The following USH2A variants were observed in gnomAD, a reference collection of about 807,000 sequenced individuals.
USH2A encodes usherin, also known as Usher syndrome 2A (autosomal recessive, mild).
USH2A carries 443 observed loss-of-function variants against 538.9 expected under a neutral mutation model. That is an observed-to-expected ratio of 0.82 (90% CI 0.76 to 0.89). The LOEUF is 0.89. USH2A is among the 40% of genes least tolerant of loss of function. The pLI is 0.00. For missense variants in USH2A, 6,633 were observed against 6,324.8 expected, an observed-to-expected ratio of 1.05 and a Z score of -1.65; for synonymous variants, 2,413 against 2,273.5, an observed-to-expected ratio of 1.06 and a Z score of -1.75.
chr1:216,205,356 C>G (rs757811348), intron 16 of USH2A, among the ~76,000 whole-genome samples: 4 of 152,196 alleles, frequency 2.6e-5, no homozygotes, highest in Admixed American at 6.5e-5. Context: ...ACTTTGCCAA[C>G]ATGGCAGATG....
intron 35 of USH2A, among the ~76,000 whole-genome samples, chr1:215,989,792 G>A (rs1420744116): frequency 1.3e-5 from 2 of 151,926 alleles, no homozygotes; most frequent in Non-Finnish European, 2.9e-5. Flanking sequence ...AGACCATGAG[G>A]AGAAATCAAC....
At position 216,225,689 on chromosome 1, in the gene USH2A, C is replaced by G. The variant is rs979617237; in HGVS notation, c.2993+6264G>C. 1.6e-4 allele frequency among the ~76,000 whole-genome samples: 25 copies of G among 152,312 alleles called. No homozygotes were observed. The East Asian group carries it at 4.8e-3, about 29-fold the overall frequency. ...CCAAACCTGAGAAGAATCTAAGCCC[C>G]ACTCAAACTTGGGAAGTTTGGACTT... is the stretch of plus-strand genomic sequence containing the variant. On this transcript the variant is annotated intron_variant, in intron 14 of 71. Transcript: ENST00000307340.
intron 14 of USH2A, among the ~76,000 whole-genome samples, chr1:216,223,777 A>G (rs1009467323): frequency 1.3e-5 from 2 of 152,178 alleles, no homozygotes; most frequent in Non-Finnish European, 2.9e-5. Context: ...CCATAAAAGG[A>G]AATCAGTTGA....
intron 32 of USH2A, among the ~76,000 whole-genome samples, chr1:216,007,147 T>C (rs770126889): frequency 2.0e-5 from 3 of 152,194 alleles, no homozygotes; most frequent in African/African-American, 4.8e-5. Flanking sequence ...GCCTTTTGCC[T>C]TCTGCCATGA....
intron 61 of USH2A, among the ~76,000 whole-genome samples, chr1:215,701,271 G>A (rs1204183564): frequency 6.6e-6 from 1 of 152,206 alleles, no homozygotes; most frequent in Non-Finnish European, 1.5e-5. Context: ...TGAGAAGAAA[G>A]TATATTCTGT....
chr1:215,875,690 T>C (rs1011386032), intron 43 of USH2A, among the ~76,000 whole-genome samples: 1 of 151,822 alleles, frequency 6.6e-6, no homozygotes, highest in East Asian at 1.9e-4. Flanking sequence ...GAGTAGCTCA[T>C]GGCTAAAACT....
chr1:216,112,209 A>C (rs2032892510), intron 21 of USH2A, among the ~76,000 whole-genome samples: 1 of 152,038 alleles, frequency 6.6e-6, no homozygotes, highest in Admixed American at 6.6e-5. Context: ...TAGAATACCA[A>C]AGTTGTGTTA....
chr1:216,130,249 C>T (rs2102601618), intron 21 of USH2A, among the ~76,000 whole-genome samples: 1 of 151,832 alleles, frequency 6.6e-6, no homozygotes, highest in Admixed American at 6.6e-5. Flanking sequence ...AATTTTGGTG[C>T]ACCCATCACC....
chr1:215,948,423 C>CAT (rs1167914331), intron 37 of USH2A, among the ~76,000 whole-genome samples: 8 of 88,592 alleles, frequency 9.0e-5, no homozygotes, highest in African/African-American at 1.1e-4. Flanking sequence ...CATATTTGTT[C>CAT]AGATATATAT....
intron 32 of USH2A, among the ~76,000 whole-genome samples, chr1:216,031,382 C>T (rs1017455248): frequency 6.6e-6 from 1 of 152,084 alleles, no homozygotes; most frequent in Non-Finnish European, 1.5e-5. Flanking sequence ...TATTTAAACA[C>T]TATTTAAAAG....
At chr1:215,940,336 G>A (rs1026879021) in intron 37 of USH2A, among the ~76,000 whole-genome samples, 2 of 151,974 alleles carry the variant, frequency 1.3e-5, no homozygotes, top group Admixed American at 1.3e-4. Flanking sequence ...TTGTGATCAA[G>A]GTAAACTGGC....
At chr1:215,979,466 T>A (rs1317296600) in intron 35 of USH2A, among the ~76,000 whole-genome samples, 1 of 152,080 alleles carries the variant, frequency 6.6e-6, no homozygotes, top group Non-Finnish European at 1.5e-5. Context: ...CAAGATAAAG[T>A]CATATACAGA....
At chr1:216,299,002 G>T (rs147053446) in intron 9 of USH2A, among the ~76,000 whole-genome samples, 13 of 152,046 alleles carry the variant, frequency 8.6e-5, no homozygotes, top group African/African-American at 3.1e-4. Context: ...CACCACGCCC[G>T]GCTAATTTGT....
At chr1:216,129,212 A>G (rs1205469955) in intron 21 of USH2A, among the ~76,000 whole-genome samples, 1 of 152,156 alleles carries the variant, frequency 6.6e-6, no homozygotes, top group East Asian at 1.9e-4. Context: ...TGAAATAAAC[A>G]TGAGAGTGTA....
chr1:215,971,601 A>G (rs900104351), intron 35 of USH2A, among the ~76,000 whole-genome samples: 1 of 152,086 alleles, frequency 6.6e-6, no homozygotes, highest in East Asian at 1.9e-4. Context: ...ACAAAAAATA[A>G]AAATAAAAGA....
At chr1:216,322,117 T>A in intron 8 of USH2A, 141 bp from the exon 9 acceptor site, 1 of 824,922 alleles carries the variant, frequency 1.2e-6, no homozygotes, top group Non-Finnish European at 2.1e-6. Flanking sequence ...AGTTTCTCCT[T>A]AATCGTGTGG....
intron 35 of USH2A, among the ~76,000 whole-genome samples, chr1:215,977,780 A>C (rs1163805799): frequency 1.3e-5 from 2 of 152,106 alleles, no homozygotes; most frequent in African/African-American, 4.8e-5. Flanking sequence ...CAAAGTGTTG[A>C]GATTACAGGC....
chr1:215,807,882 AT>A (rs954182202), intron 49 of USH2A, among the ~76,000 whole-genome samples: 2 of 151,784 alleles, frequency 1.3e-5, no homozygotes, highest in South Asian at 2.1e-4. Flanking sequence ...ATTACTAAAC[AT>A]TTTTTTTCTA....
intron 3 of USH2A, among the ~76,000 whole-genome samples, chr1:216,394,294 C>A (rs1169704272): frequency 1.3e-5 from 2 of 150,144 alleles, no homozygotes; most frequent in African/African-American, 2.5e-5. Flanking sequence ...AAACATACAC[C>A]TACCATGTGG....
Sources: gnomAD v4.1 joint callset for allele counts (sites outside exome capture counted in the v4.1 genomes callset) on GRCh38, gnomAD v4.1.1 for gene constraint, MANE v1.5 for transcripts, NCBI Gene and HGNC (gene_info 2026-07-23, HGNC 2026-07-21) for gene names.